The following ERCC3 variants were observed in gnomAD, a reference collection of about 807,000 sequenced individuals.
ERCC3 encodes ERCC excision repair 3, TFIIH core complex helicase subunit, also known as general transcription and DNA repair factor IIH helicase/translocase subunit XPB.
A neutral mutation model predicts 94.2 loss-of-function variants in ERCC3; 66 were observed. The ratio of observed to expected loss-of-function variants is 0.70; its 90% CI spans 0.57 to 0.86. The LOEUF (loss-of-function observed/expected upper bound fraction) is 0.86. ERCC3 is among the 40% of genes least tolerant of loss of function. The pLI, the probability that ERCC3 is intolerant of heterozygous loss-of-function variation, is 0.00. For missense variants in ERCC3, 829 were observed against 987.1 expected (o/e 0.84, Z 2.15); for synonymous variants, 349 against 369.1 (o/e 0.95, Z 0.63).
At chr2:127,269,616 T>C (rs1401124774) in intron 12 of ERCC3, among the ~76,000 whole-genome samples, 5 of 149,968 alleles carry the variant, frequency 3.3e-5, no homozygotes, top group Non-Finnish European at 4.5e-5. Context: ...AGAGACGGGG[T>C]TTCACCATGT....
Position 127,265,192 on chromosome 2 carries a change from C to T in ERCC3, c.1946-3846G>A, listed in dbSNP as rs111731665. ...ACTGATTCAATTTCTCCTTATTGATCTGTTCAGGGTTTCAATTAATTTCTG... is the reference window on the plus strand; with the variant it reads ...ACTGATTCAATTTCTCCTTATTGATTTGTTCAGGGTTTCAATTAATTTCTG... On this transcript the variant is annotated intron_variant, in intron 12 of 14. Transcript: ENST00000285398. Among the ~76,000 whole-genome samples the T allele has an allele frequency of 3.3e-3, 498 of 152,080 alleles. 2 individuals are homozygous for T. The highest frequency in any genetic ancestry group is 0.011 in the African/African-American group (465 of 41,478).
Position 127,284,687 on chromosome 2 carries a change from A to T in ERCC3, c.1342+2016T>A, listed in dbSNP as rs993372168. Among the ~76,000 whole-genome samples the T allele has an allele frequency of 1.4e-4, 20 of 145,750 alleles. 1 individual carries two copies. In the Middle Eastern group the frequency reaches 0.029, roughly 208 times the overall value. On this transcript the variant is annotated intron_variant, in intron 8 of 14. Coordinates refer to ENST00000285398, the MANE Select transcript of ERCC3 (RefSeq NM_000122.2). This position sits in a 1 kb window ranked among gnomAD's most constrained non-coding sequence, Gnocchi z 4.1. ...AATTTACCCTAATCTGTTCATCTTT[A>T]TTTTTTTTTTTTGAGACAGAGTCTC...
rs1390276653 is a variant in ERCC3 at position 127,289,469 on chromosome 2, G to A, written c.690C>T (p.Pro230=). 3.7e-6 allele frequency: 6 copies of A among 1,612,718 alleles called. No homozygotes were observed. The highest frequency in any genetic ancestry group is 5.1e-6 in the Non-Finnish European group (6 of 1,180,042). ...ISKTAESSGG[P]STSRVTDPQG... is the part of the protein sequence containing the mutation. The stretch of plus-strand genomic sequence containing the variant: ...GTGGATCTGTCACTCGGGAAGTGGA[G>A]GGCCCACCACTGCTTTCAGCAGTCT... Residue 230 remains proline (P), a synonymous_variant, in exon 6 of 15, where the codon CCC becomes CCT. Transcript: ENST00000285398.
At chr2:127,270,330 A>G (rs907071247) in intron 12 of ERCC3, among the ~76,000 whole-genome samples, 10 of 152,108 alleles carry the variant, frequency 6.6e-5, no homozygotes, top group African/African-American at 2.4e-4. Flanking sequence ...CAGCCAGCCG[A>G]CTACATTTTA....
chr2:127,286,898 T>C lies in ERCC3; in HGVS notation c.1147A>G (p.Thr383Ala), dbSNP rs746303452. The C allele has an allele frequency of 6.2e-7, 1 of 1,614,222 alleles. No homozygotes were observed. Among genetic ancestry groups the C allele is most frequent in the South Asian group, 1.1e-5 (1 of 91,084 alleles). ...CGGCAGATCTGGCTGTCGTCAATGG[T>C]GGACCACATCTTGAACTGGGCTTTC... ...QWKAQFKMWS[T>A]IDDSQICRFT... The change falls in exon 8 of 15, where the codon ACC becomes GCC. Residue 383 changes from threonine to alanine, a missense_variant. By Grantham distance (58) the Thr-to-Ala change is moderately conservative. Coordinates refer to ENST00000285398, the MANE Select transcript of ERCC3 (RefSeq NM_000122.2).
At chr2:127,270,134 G>C (rs1261112580) in intron 12 of ERCC3, among the ~76,000 whole-genome samples, 4 of 152,044 alleles carry the variant, frequency 2.6e-5, no homozygotes, top group Admixed American at 2.0e-4. Flanking sequence ...GTTTATAAAA[G>C]CTACTGTCTC....
intron 2 of ERCC3, 62 bp downstream of exon 2, chr2:127,293,451 C>A: frequency 6.8e-7 from 1 of 1,478,936 alleles, no homozygotes; most frequent in South Asian, 1.2e-5. Context: ...TCTGAGGATG[C>A]CCAAGATTTA....
rs965895983 is a variant in ERCC3 at position 127,291,566 on chromosome 2, C to T, written c.471+1044G>A. 6.6e-5 allele frequency among the ~76,000 whole-genome samples: 10 copies of T among 152,156 alleles called. No homozygotes were observed. The highest frequency in any genetic ancestry group is 1.2e-4 in the African/African-American group (5 of 41,446). On this transcript the variant is annotated intron_variant, in intron 3 of 14. Coordinates refer to ENST00000285398, the MANE Select transcript of ERCC3 (RefSeq NM_000122.2). The surrounding 1 kb of genome is among the most constrained non-coding windows in gnomAD (Gnocchi z 4.9). Reference sequence around the variant, plus strand: ...GTGAGCCACTGCACCTGGCCGGGCACGCTTTCACATCACAGGAAAAGAGAG... The same window carrying T: ...GTGAGCCACTGCACCTGGCCGGGCATGCTTTCACATCACAGGAAAAGAGAG...
rs1285262533 is a variant in ERCC3 at position 127,259,014 on chromosome 2, G to A, written c.2217+282C>T. On this transcript the variant is annotated intron_variant, in intron 14 of 14. Coordinates refer to ENST00000285398, the MANE Select transcript of ERCC3 (RefSeq NM_000122.2). The surrounding 1 kb of genome is among the most constrained non-coding windows in gnomAD (Gnocchi z 4.9). ...CCACCAAGGTGAGCTGGGGTCACCTGCTTGCCATCCTGGGCTTCAACATCA... is the reference window on the plus strand; with the variant it reads ...CCACCAAGGTGAGCTGGGGTCACCTACTTGCCATCCTGGGCTTCAACATCA... 1.3e-5 allele frequency among the ~76,000 whole-genome samples: 2 copies of A among 152,114 alleles called. No homozygotes were observed. Among genetic ancestry groups the A allele is most frequent in the Non-Finnish European group, 2.9e-5 (2 of 68,020 alleles).
At position 127,271,360 on chromosome 2, in the gene ERCC3, CT is replaced by C; in HGVS notation, c.1920del (p.Arg642GlyfsTer40). 1 of 1,613,956 alleles carries C rather than the reference CT, an allele frequency of 6.2e-7. No individual in the cohort carries two copies. Among genetic ancestry groups the C allele is most frequent in the East Asian group, 2.2e-5 (1 of 44,876 alleles). On this transcript the variant is annotated frameshift_variant, in exon 12 of 15. Coordinates refer to ENST00000285398, the MANE Select transcript of ERCC3 (RefSeq NM_000122.2). LOFTEE classifies it high-confidence loss of function. This position sits in a 1 kb window ranked among gnomAD's most constrained non-coding sequence, Gnocchi z 5.0. ...GGSRRQEAQR[L>X]GRVLRAKKGM... is the part of the protein sequence containing the mutation. Reference sequence around the variant, plus strand: ...CCTTTTTTAGCTCGAAGCACCCGCCCTAGCCTTTGGGCTTCCTGACGCCTGG... The same window carrying C: ...CCTTTTTTAGCTCGAAGCACCCGCCCAGCCTTTGGGCTTCCTGACGCCTGG...
At position 127,284,695 on chromosome 2, in the gene ERCC3, T is replaced by TTG. The variant is rs1685012829; in HGVS notation, c.1342+2007_1342+2008insCA. Among the ~76,000 whole-genome samples, 1 of 151,990 alleles carries TTG rather than the reference T, an allele frequency of 6.6e-6. No homozygotes were observed. Among genetic ancestry groups the TTG allele is most frequent in the African/African-American group, 2.4e-5 (1 of 41,330 alleles). On this transcript the variant is annotated intron_variant, in intron 8 of 14. Transcript: ENST00000285398. The surrounding 1 kb of genome is among the most constrained non-coding windows in gnomAD (Gnocchi z 4.1). ...CTAATCTGTTCATCTTTATTTTTTT[T>TTG]TTTTGAGACAGAGTCTCACACTCTG...
rs1308336385 is a variant in ERCC3, at chr2:127,261,109, G to C, written c.2064+119C>G. The C allele has an allele frequency of 2.4e-4, 179 of 753,300 alleles. 1 individual carries two copies. The highest frequency in any genetic ancestry group is 1.2e-4 in the Non-Finnish European group (47 of 406,040). 46.7% of individuals were successfully genotyped at this position (753,300 alleles called of 1,614,324 possible). A position where few individuals can be genotyped will look rare whatever the true frequency, so the allele number is the denominator to read the frequency against. On this transcript the variant is annotated intron_variant, in intron 13 of 14. Coordinates refer to ENST00000285398, the MANE Select transcript of ERCC3 (RefSeq NM_000122.2). ...AGAGATAAAGGGAGTTTGAGGCAAG[G>C]CCTCTAATCTCCTAATGCTTGGTGC...
intron 7 of ERCC3, among the ~76,000 whole-genome samples, chr2:127,287,361 G>A (rs1052495162): frequency 6.6e-6 from 1 of 152,018 alleles, no homozygotes; most frequent in Non-Finnish European, 1.5e-5. Context: ...ACCATGCCAC[G>A]GTGGCTCATA....
chr2:127,286,233 T>C (rs903167460), intron 8 of ERCC3, among the ~76,000 whole-genome samples: 2 of 152,158 alleles, frequency 1.3e-5, no homozygotes, highest in Non-Finnish European at 2.9e-5. Flanking sequence ...ACTGTGAATG[T>C]GAACACTCCT....
At chr2:127,293,451 C>T (rs1267256192) in intron 2 of ERCC3, 62 bp downstream of exon 2, 2 of 1,478,818 alleles carry the variant, frequency 1.4e-6, no homozygotes, top group Non-Finnish European at 1.9e-6. Flanking sequence ...TCTGAGGATG[C>T]CCAAGATTTA....
chr2:127,268,718 A>C (rs76040549), intron 12 of ERCC3, among the ~76,000 whole-genome samples: 115 of 152,276 alleles, frequency 7.6e-4, no homozygotes, highest in Non-Finnish European at 1.4e-3. Context: ...TTGACCTTGG[A>C]AAGTCTGACG....
chr2:127,276,908 C>T (rs1225514773), intron 10 of ERCC3, among the ~76,000 whole-genome samples: 1 of 152,210 alleles, frequency 6.6e-6, no homozygotes, highest in Non-Finnish European at 1.5e-5. Flanking sequence ...TGCCAAACTG[C>T]TGCACTGGAA....
At chr2:127,272,436 C>T (rs775990843) in intron 11 of ERCC3, among the ~76,000 whole-genome samples, 3 of 152,240 alleles carry the variant, frequency 2.0e-5, no homozygotes, top group Middle Eastern at 3.4e-3. Flanking sequence ...GCTGGGCCTG[C>T]GGAAGTCTGT....
rs1288802489 is a variant in ERCC3 at position 127,274,281 on chromosome 2, C to A, written c.1731-1320G>T. On this transcript the variant is annotated intron_variant, in intron 10 of 14. Coordinates refer to ENST00000285398, the MANE Select transcript of ERCC3 (RefSeq NM_000122.2). The surrounding 1 kb of genome is among the most constrained non-coding windows in gnomAD (Gnocchi z 4.0). ...AGTGAGCCAAGATCACACCACTTCA[C>A]TCCAGCCTGGGCAACAGAGTGAGAC... 6.0e-5 allele frequency among the ~76,000 whole-genome samples: 9 copies of A among 150,878 alleles called. No individual in the cohort carries two copies. The highest frequency in any genetic ancestry group is 2.2e-4 in the African/African-American group (9 of 40,978).
Sources: allele counts gnomAD v4.1 joint callset (sites outside exome capture counted in the v4.1 genomes callset), GRCh38; gene constraint gnomAD v4.1.1; non-coding constraint Gnocchi (gnomAD v3.1); transcripts MANE v1.5; gene names NCBI Gene and HGNC (gene_info 2026-07-23, HGNC 2026-07-21).